The following CFI variants were observed in gnomAD, a reference collection of about 807,000 sequenced individuals.
CFI encodes the protein C3B/C4B inactivator.
CFI carries 66 observed loss-of-function variants against 78.8 expected under a neutral mutation model. The observed-to-expected ratio is 0.84, with a 90% CI of 0.69 to 1.03. The LOEUF (loss-of-function observed/expected upper bound fraction) is 1.03, where lower values mean the gene tolerates loss of function less well. Among genes scored for constraint, CFI ranks in the 50% least tolerant of loss-of-function variants. The pLI is 0.00. For missense variants in CFI, 706 were observed against 704.5 expected, an observed-to-expected ratio of 1.00 and a Z score of -0.02; for synonymous variants, 250 against 232.6, an observed-to-expected ratio of 1.07 and a Z score of -0.68.
chr4:109,753,448 A>T lies in CFI; in HGVS notation c.905-945T>A, dbSNP rs1280740188. On this transcript the variant is annotated intron_variant, in intron 7 of 12. Coordinates refer to ENST00000394634, the MANE Select transcript of CFI (RefSeq NM_000204.5). ...TTTATAATATATTTATTATATAATA[A>T]ATATTTATATATATATTTATATTAA... Among the ~76,000 whole-genome samples, 14 of 69,098 alleles carry T rather than the reference A, an allele frequency of 2.0e-4. 3 individuals are homozygous for T. Among genetic ancestry groups the T allele is most frequent in the African/African-American group, 9.4e-4 (14 of 14,860 alleles). The allele number at this position is 69,098 out of a possible 152,430, so 45.3% of individuals were successfully genotyped here.
At chr4:109,753,717 ATAATGTATAATTTTATATTATATATTATC>A (rs1321704697) in intron 7 of CFI, among the ~76,000 whole-genome samples, 2 of 17,862 alleles carry the variant, frequency 1.1e-4, no homozygotes, top group African/African-American at 4.0e-4. Flanking sequence ...TATATATTAT[ATAATGTATAATTTTATATTATATATTATC>A]TAATGTATAA....
intron 7 of CFI, among the ~76,000 whole-genome samples, chr4:109,756,201 A>G (rs1726110098): frequency 6.6e-6 from 1 of 152,046 alleles, no homozygotes; most frequent in African/African-American, 2.4e-5. Context: ...AAATGAGTCA[A>G]ACAAGACAGG....
chr4:109,788,020 G>A (rs1482260947), intron 1 of CFI, among the ~76,000 whole-genome samples: 1 of 151,966 alleles, frequency 6.6e-6, no homozygotes, highest in Admixed American at 6.6e-5. Flanking sequence ...CTCTTTGTGA[G>A]TCTTTCCAGA....
At chr4:109,747,532 C>A (rs1286503673) in intron 10 of CFI, among the ~76,000 whole-genome samples, 1 of 152,138 alleles carries the variant, frequency 6.6e-6, no homozygotes, top group South Asian at 2.1e-4. Flanking sequence ...AGTATAGAGT[C>A]ACTTCGGCAA....
chr4:109,765,368 G>A (rs1249195680), intron 2 of CFI, among the ~76,000 whole-genome samples: 2 of 152,214 alleles, frequency 1.3e-5, no homozygotes, highest in Non-Finnish European at 2.9e-5. Context: ...GCTATCAGAA[G>A]ACAATGAACC....
chr4:109,740,924 C>T lies in CFI; in HGVS notation c.1721G>A (p.Gly574Glu), dbSNP rs1723706151. Residue 574 changes from glycine (G) to glutamate (E), a missense_variant, in exon 13 of 13, where the codon GGA (glycine) becomes GAA (glutamate). By Grantham distance (98) the Gly-to-Glu change is moderately conservative. Transcript: ENST00000394634. ...ATTGTACTGAGAAATAAAAGGCCTTCCTACATGGTAGCTAATCCAGTCAAA... is the reference window on the plus strand; with the variant it reads ...ATTGTACTGAGAAATAAAAGGCCTTTCTACATGGTAGCTAATCCAGTCAAA... ...NYFDWISYHVGRPFISQYNV is the reference protein window; with the variant it reads ...NYFDWISYHVERPFISQYNV 3.1e-6 allele frequency: 5 copies of T among 1,614,130 alleles called. No homozygotes were observed. Among genetic ancestry groups the T allele is most frequent in the Non-Finnish European group, 4.2e-6 (5 of 1,179,974 alleles).
intron 1 of CFI, among the ~76,000 whole-genome samples, chr4:109,767,970 A>C (rs1033958875): frequency 3.9e-5 from 6 of 152,124 alleles, no homozygotes; most frequent in African/African-American, 1.4e-4. Context: ...TGATGAGTTC[A>C]TGTCCTTTGT....
chr4:109,786,068 C>G (rs1730700003), intron 1 of CFI, among the ~76,000 whole-genome samples: 1 of 151,958 alleles, frequency 6.6e-6, no homozygotes, highest in Non-Finnish European at 1.5e-5. Context: ...AAACCAAAGT[C>G]TAGCTCTGAG....
chr4:109,745,644 T>C (rs1186225746), intron 11 of CFI, among the ~76,000 whole-genome samples: 1 of 152,194 alleles, frequency 6.6e-6, no homozygotes, highest in Non-Finnish European at 1.5e-5. Context: ...ATGTTCTTTT[T>C]TTCTTTGTAG....
chr4:109,749,257 A>G lies in CFI; in HGVS notation c.1109T>C (p.Ile370Thr), dbSNP rs1167888427. ...ASGITCGGIY[I>T]GGCWILTAAH... ...AGCAGTCAGAATCCAACAGCCACCA[A>G]TATAAATTCCCCCACAGGTGATTCC... is the stretch of plus-strand genomic sequence containing the variant. Residue 370 changes from isoleucine (I) to threonine (T), a missense_variant, in exon 10 of 13, where the codon ATT (isoleucine) becomes ACT (threonine). Physicochemically the swap from Ile to Thr is moderately conservative, Grantham distance 89 (BLOSUM62 -1). Coordinates refer to ENST00000394634, the MANE Select transcript of CFI (RefSeq NM_000204.5). 6.2e-7 allele frequency: 1 copy of G among 1,614,202 alleles called. No homozygotes were observed. Among genetic ancestry groups the G allele is most frequent in the Admixed American group, 1.7e-5 (1 of 60,022 alleles).
intron 11 of CFI, 68 bp from the exon 12 acceptor site, chr4:109,742,663 C>G (rs2126180808): frequency 1.0e-6 from 1 of 990,988 alleles, no homozygotes; most frequent in South Asian, 1.3e-5. Flanking sequence ...ACTCTCATAA[C>G]TTAAACCATT....
At chr4:109,781,264 C>T (rs1729990287) in intron 1 of CFI, among the ~76,000 whole-genome samples, 1 of 151,696 alleles carries the variant, frequency 6.6e-6, no homozygotes, top group Admixed American at 6.6e-5. Flanking sequence ...AGACCATTAG[C>T]AAGATTAACC....
intron 10 of CFI, among the ~76,000 whole-genome samples, chr4:109,746,936 A>G (rs1724548426): frequency 6.6e-6 from 1 of 152,214 alleles, no homozygotes; most frequent in South Asian, 2.1e-4. Flanking sequence ...CACAGCAGTC[A>G]TTATCCTGAC....
At chr4:109,757,043 A>G (rs1467343974) in intron 7 of CFI, among the ~76,000 whole-genome samples, 2 of 151,928 alleles carry the variant, frequency 1.3e-5, no homozygotes, top group Non-Finnish European at 2.9e-5. Context: ...TTTTACATTT[A>G]CATTTACATG....
the CFI span, among the ~76,000 whole-genome samples, chr4:109,731,150 G>T: frequency 2.6e-5 from 4 of 152,154 alleles, no homozygotes; most frequent in Non-Finnish European, 4.4e-5. Flanking sequence ...TTCGAGACCA[G>T]CCTGGCTGAC....
intron 1 of CFI, among the ~76,000 whole-genome samples, chr4:109,780,287 A>G (rs764993673): frequency 3.3e-5 from 5 of 152,214 alleles, no homozygotes; most frequent in Admixed American, 6.5e-5. Context: ...AAAGAACTCA[A>G]ACAAATTTAC....
intron 7 of CFI, among the ~76,000 whole-genome samples, chr4:109,756,101 CA>C (rs1726098045): frequency 6.6e-6 from 1 of 151,860 alleles, no homozygotes; most frequent in Admixed American, 6.6e-5. Flanking sequence ...AGAATGCATG[CA>C]AACAAAAAAA....
In CFI at chr4:109,766,745, A is replaced by C; in HGVS notation, c.137T>G (p.Val46Gly). The C allele has an allele frequency of 6.2e-7, 1 of 1,614,178 alleles. No individual in the cohort carries two copies. Among genetic ancestry groups the C allele is most frequent in the African/African-American group, 1.3e-5 (1 of 75,066 alleles). The stretch of plus-strand genomic sequence containing the variant: ...GCATCTCTGCCATGGCTGGCAGAAG[A>C]CTTTATCGCAGGAGAGGTGAGTATA... The part of the protein sequence containing the change: ...KKYTHLSCDK[V>G]FCQPWQRCIE... Residue 46 changes from valine to glycine, a missense_variant, in exon 2 of 13, where the codon GTC (valine) becomes GGC (glycine). Physicochemically the swap from Val to Gly is moderately radical, Grantham distance 109. Transcript: ENST00000394634.
chr4:109,756,927 A>C (rs567971971), intron 7 of CFI, among the ~76,000 whole-genome samples: 1 of 148,380 alleles, frequency 6.7e-6, no homozygotes, highest in South Asian at 2.2e-4. Flanking sequence ...GAAAGAAAGA[A>C]AGAAAGAAAG....
Sources: gnomAD v4.1 joint callset for allele counts (sites outside exome capture counted in the v4.1 genomes callset) on GRCh38, gnomAD v4.1.1 for gene constraint, MANE v1.5 for transcripts, NCBI Gene and HGNC (gene_info 2026-07-23, HGNC 2026-07-21) for gene names.